The following KDM4A variants were observed in gnomAD, a reference collection of about 807,000 sequenced individuals.
The protein encoded by KDM4A is lysine-specific demethylase 4A.
In KDM4A, 23 loss-of-function variants were observed where a neutral mutation model predicts 127.1. The observed-to-expected ratio is 0.18, with a 90% CI of 0.13 to 0.26. The LOEUF (loss-of-function observed/expected upper bound fraction) is 0.26, where lower values mean the gene tolerates loss of function less well. KDM4A is among the 10% of genes least tolerant of loss of function. KDM4A has a pLI of 1.00. For synonymous variants in KDM4A, 443 were observed against 466.5 expected, an observed-to-expected ratio of 0.95 and a Z score of 0.65; for missense variants, 890 against 1,329.1, an observed-to-expected ratio of 0.67 and a Z score of 5.14.
At chr1:43,665,580 G>A (rs780800151) in intron 5 of KDM4A, 116 bp from the exon 6 acceptor site, 26 of 832,638 alleles carry the variant, frequency 3.1e-5, no homozygotes, top group Non-Finnish European at 4.5e-5. Flanking sequence ...CCTTTCTACT[G>A]CTTGGGAAGT....
chr1:43,671,741 C>T lies in KDM4A; in HGVS notation c.1600C>T (p.Arg534Ter), dbSNP rs1660623522. 3 of 1,613,954 alleles carry T rather than the reference C, an allele frequency of 1.9e-6. No individual in the cohort carries two copies. Among genetic ancestry groups the T allele is most frequent in the Non-Finnish European group, 1.7e-6 (2 of 1,179,906 alleles). Residue 534 changes from arginine (R) to a stop codon, truncating the protein, a stop_gained, in exon 11 of 22, where the codon CGA becomes TGA. Transcript: ENST00000372396. LOFTEE classifies it high-confidence loss of function. ...DSETSEPLSC[R>*]AQGQTGVLTV... ...AGAAACTAGTGAGCCTCTCTCCTGC[C>T]GAGCCCAAGGGCAAACGGGAGTTCT... is the stretch of plus-strand genomic sequence containing the variant.
chr1:43,688,866 C>G lies in KDM4A; in HGVS notation c.1856-48C>G. 1 of 1,555,920 alleles carries G rather than the reference C, an allele frequency of 6.4e-7. No individual in the cohort carries two copies. Among genetic ancestry groups the G allele is most frequent in the Non-Finnish European group, 8.8e-7 (1 of 1,134,776 alleles). On this transcript the variant is annotated intron_variant, in intron 12 of 21. Transcript: ENST00000372396. This position sits in a 1 kb window ranked among gnomAD's most constrained non-coding sequence, Gnocchi z 4.4. ...CTCATCTGTTCTCCAGGCAGAGCCA[C>G]AGATGTGCAGGGTTAGTGCTGACTC...
chr1:43,671,228 C>G (rs182971804), intron 10 of KDM4A, among the ~76,000 whole-genome samples: 3 of 152,150 alleles, frequency 2.0e-5, no homozygotes, highest in African/African-American at 7.2e-5. Flanking sequence ...GGCAGCTGCC[C>G]CTTACTGAGT....
chr1:43,655,893 T>C, intron 3 of KDM4A, 127 bp downstream of exon 3: 1 of 644,776 alleles, frequency 1.6e-6, no homozygotes, highest in Non-Finnish European at 2.4e-6. Flanking sequence ...GTTCTAGCTG[T>C]CTCCCTTTCT....
chr1:43,688,866 C>A lies in KDM4A; in HGVS notation c.1856-48C>A. ...CTCATCTGTTCTCCAGGCAGAGCCA[C>A]AGATGTGCAGGGTTAGTGCTGACTC... On this transcript the variant is annotated intron_variant, in intron 12 of 21. Transcript: ENST00000372396. This position sits in a 1 kb window ranked among gnomAD's most constrained non-coding sequence, Gnocchi z 4.4. 1 of 1,555,920 alleles carries A rather than the reference C, an allele frequency of 6.4e-7. No individual in the cohort carries two copies. Among genetic ancestry groups the A allele is most frequent in the Non-Finnish European group, 8.8e-7 (1 of 1,134,776 alleles).
chr1:43,663,800 T>C (rs1280044133), intron 5 of KDM4A, among the ~76,000 whole-genome samples: 1 of 152,004 alleles, frequency 6.6e-6, no homozygotes, highest in Non-Finnish European at 1.5e-5. Flanking sequence ...ATTTTTTTCC[T>C]TCTTTTTTTT....
chr1:43,665,591 TA>T (rs561543332), intron 5 of KDM4A, 104 bp from the exon 6 acceptor site: 13,872 of 868,272 alleles, frequency 0.016, no homozygotes, highest in South Asian at 0.018. Flanking sequence ...CTTGGGAAGT[TA>T]AAAAAAAAAT....
At chr1:43,652,818 G>A (rs1216045762) in intron 1 of KDM4A, among the ~76,000 whole-genome samples, 4 of 151,714 alleles carry the variant, frequency 2.6e-5, no homozygotes, top group African/African-American at 7.3e-5. Context: ...GAGTAGCTAG[G>A]ATTGCAGGTG....
At chr1:43,687,932 C>G (rs1402125364) in intron 12 of KDM4A, among the ~76,000 whole-genome samples, 1 of 151,906 alleles carries the variant, frequency 6.6e-6, no homozygotes, top group Non-Finnish European at 1.5e-5. Flanking sequence ...CTAGGAGACA[C>G]CATCTGTCAT....
rs777817865 is a variant in KDM4A at position 43,663,077 on chromosome 1, C to T, written c.613C>T (p.Pro205Ser). The T allele has an allele frequency of 1.4e-5, 22 of 1,613,020 alleles. No individual in the cohort carries two copies. The East Asian group carries it at 4.5e-4, about 33-fold the overall frequency. The change falls in exon 5 of 22, where the codon CCA (proline) becomes TCA (serine). Residue 205 changes from proline to serine, a missense_variant. By Grantham distance (74) the Pro-to-Ser change is moderately conservative (BLOSUM62 -1). Coordinates refer to ENST00000372396, the MANE Select transcript of KDM4A (RefSeq NM_014663.3). Reference sequence around the variant, plus strand: ...CATCAACTACCTGCACTTTGGAGAACCAAAGTCCTGGTACAGTCTGCCTGC... The same window carrying T: ...CATCAACTACCTGCACTTTGGAGAATCAAAGTCCTGGTACAGTCTGCCTGC... The part of the protein sequence containing the change: ...YSINYLHFGE[P>S]KSWYSVPPEH...
At chr1:43,703,967 C>T in intron 20 of KDM4A, 53 bp from the exon 21 acceptor site, 1 of 1,503,232 alleles carries the variant, frequency 6.7e-7, no homozygotes, top group African/African-American at 1.4e-5. Flanking sequence ...GCATGGTGGA[C>T]CAGGGAAAGA....
chr1:43,698,036 C>A, intron 19 of KDM4A, 23 bp downstream of exon 19: 1 of 1,606,436 alleles, frequency 6.2e-7, no homozygotes, highest in South Asian at 1.1e-5. Flanking sequence ...AGGAGCTTCT[C>A]AGGCAGTTTG....
At chr1:43,699,557 C>G (rs1246016359) in intron 19 of KDM4A, among the ~76,000 whole-genome samples, 1 of 152,006 alleles carries the variant, frequency 6.6e-6, no homozygotes. Flanking sequence ...GTTAGAGACC[C>G]CAAAGAGCCT....
chr1:43,664,465 T>A (rs1557906305), intron 5 of KDM4A, among the ~76,000 whole-genome samples: 1 of 152,100 alleles, frequency 6.6e-6, no homozygotes, highest in Non-Finnish European at 1.5e-5. Context: ...TGCTGTAGTT[T>A]GGGTGCTGTG....
chr1:43,705,034 C>T lies in KDM4A; in HGVS notation c.*664C>T, dbSNP rs1023600532. The T allele has an allele frequency of 6.5e-6, 1 of 152,850 alleles. No individual in the cohort carries two copies. Among genetic ancestry groups the T allele is most frequent in the African/African-American group, 2.4e-5 (1 of 41,442 alleles). 9.5% of individuals were successfully genotyped at this position (152,850 alleles called of 1,614,324 possible). A position where few individuals can be genotyped will look rare whatever the true frequency, so the allele number is the denominator to read the frequency against. On this transcript the variant is annotated 3_prime_UTR_variant, in exon 22 of 22. Transcript: ENST00000372396. ...GGAGCTGATGCCACCTCTTTGTCTTCCCCTAAAGGAGAACATGGGGATAAC... is the reference window on the plus strand; with the variant it reads ...GGAGCTGATGCCACCTCTTTGTCTTTCCCTAAAGGAGAACATGGGGATAAC...
intron 4 of KDM4A, 61 bp downstream of exon 4, chr1:43,660,473 G>A (rs1047879142): frequency 1.2e-5 from 19 of 1,536,728 alleles, no homozygotes; most frequent in South Asian, 2.4e-5. Context: ...CCTTTTTTTC[G>A]GCCCGGCACG....
At chr1:43,652,708 T>C (rs1247345922) in intron 1 of KDM4A, among the ~76,000 whole-genome samples, 1 of 145,562 alleles carries the variant, frequency 6.9e-6, no homozygotes, top group Non-Finnish European at 1.5e-5. Flanking sequence ...TGAGACGGAG[T>C]TTCGCTCTTG....
intron 3 of KDM4A, among the ~76,000 whole-genome samples, chr1:43,658,501 G>T (rs1325819903): frequency 8.4e-6 from 1 of 118,630 alleles, no homozygotes; most frequent in African/African-American, 4.0e-5. Context: ...TACTTAGTCA[G>T]ATTTTTTTTT....
At chr1:43,674,575 G>A (rs1344806427) in intron 11 of KDM4A, among the ~76,000 whole-genome samples, 4 of 151,056 alleles carry the variant, frequency 2.6e-5, no homozygotes, top group African/African-American at 9.8e-5. Flanking sequence ...GGAGTGCAGT[G>A]GTGTAATCTT....
Sources: gnomAD v4.1 joint callset for allele counts (sites outside exome capture counted in the v4.1 genomes callset) on GRCh38, gnomAD v4.1.1 for gene constraint, Gnocchi (gnomAD v3.1) non-coding constraint, MANE v1.5 for transcripts, NCBI Gene and HGNC (gene_info 2026-07-23, HGNC 2026-07-21) for gene names.